SLC2A7: variants seen among roughly 807,000 people sequenced by gnomAD.
The protein encoded by SLC2A7 is solute carrier family 2 member 7, also known as solute carrier family 2, facilitated glucose transporter member 7.
A neutral mutation model predicts 50.5 loss-of-function variants in SLC2A7; 50 were observed. The ratio of observed to expected loss-of-function variants is 0.99; its 90% CI spans 0.79 to 1.25. The LOEUF (loss-of-function observed/expected upper bound fraction) is 1.25. Ranked by LOEUF, SLC2A7 falls within the 50% of genes most tolerant of loss-of-function variation. SLC2A7 has a pLI of 0.00. For synonymous variants in SLC2A7, 308 were observed against 300.4 expected, an observed-to-expected ratio of 1.03 and a Z score of -0.26; for missense variants, 683 against 679.1, an observed-to-expected ratio of 1.01 and a Z score of -0.06.
downstream of SLC2A7, among the ~76,000 whole-genome samples, chr1:8,999,143 G>A (rs1416801220): frequency 6.6e-6 from 1 of 152,000 alleles, no homozygotes; most frequent in Non-Finnish European, 1.5e-5. Flanking sequence ...GACTATTCAG[G>A]TTATCTATTT....
At chr1:9,004,342 A>AT (rs1444476218) in intron 11 of SLC2A7, among the ~76,000 whole-genome samples, 1 of 151,926 alleles carries the variant, frequency 6.6e-6, no homozygotes, top group African/African-American at 2.4e-5. Context: ...AAAAAAAAAA[A>AT]AAAAAGACTG....
chr1:9,005,267 G>A (rs955218755), intron 10 of SLC2A7, among the ~76,000 whole-genome samples: 1 of 152,210 alleles, frequency 6.6e-6, no homozygotes, highest in African/African-American at 2.4e-5. Context: ...TCTGACTTGA[G>A]ACCGCCCGCG....
chr1:9,007,800 A>G (rs979445748), intron 9 of SLC2A7, among the ~76,000 whole-genome samples: 14 of 149,548 alleles, frequency 9.4e-5, no homozygotes, highest in South Asian at 6.3e-4. Context: ...GTGCAGTGGC[A>G]CAGTCTTGGC....
At chr1:9,019,088 G>A in intron 4 of SLC2A7, 121 bp downstream of exon 4, 1 of 1,334,076 alleles carries the variant, frequency 7.5e-7, no homozygotes, top group African/African-American at 1.5e-5. Context: ...GGATGCAGAT[G>A]GGAGGACGTC....
rs1557653846 is a variant in SLC2A7, at chr1:9,023,835, C to CTTTTTTTTTT, written c.151-758_151-757insAAAAAAAAAA. ...CAGAGGCACCATAGGAAATATTCTT[C>CTTTTTTTTTT]TTCTTTTTTTTTTTTTTTTTTTTTT... On this transcript the variant is annotated intron_variant, in intron 2 of 11. Coordinates refer to ENST00000400906, the MANE Select transcript of SLC2A7 (RefSeq NM_207420.3). Among the ~76,000 whole-genome samples the CTTTTTTTTTT allele has an allele frequency of 1.1e-3, 73 of 65,990 alleles. 12 individuals are homozygous for CTTTTTTTTTT. Among genetic ancestry groups the CTTTTTTTTTT allele is most frequent in the East Asian group, 3.3e-3 (5 of 1,504 alleles). The allele number at this position is 65,990 out of a possible 152,430, so 43.3% of individuals were successfully genotyped here. A position where few individuals can be genotyped will look rare whatever the true frequency, so the allele number is the denominator to read the frequency against.
chr1:9,013,668 C>T (rs376924319), intron 7 of SLC2A7, 33 bp from the exon 8 acceptor site: 35 of 1,588,338 alleles, frequency 2.2e-5, no homozygotes, highest in African/African-American at 1.2e-4. Flanking sequence ...CAGGACAGGC[C>T]GGAAGACCCA....
intron 2 of SLC2A7, among the ~76,000 whole-genome samples, chr1:9,024,644 C>T (rs907082369): frequency 6.6e-6 from 1 of 152,190 alleles, no homozygotes; most frequent in African/African-American, 2.4e-5. Flanking sequence ...CAATCTTTGA[C>T]CCCATTCTCT....
the SLC2A7 span, among the ~76,000 whole-genome samples, chr1:8,995,231 G>A: frequency 1.0e-4 from 15 of 148,944 alleles, no homozygotes; most frequent in South Asian, 4.3e-4. Flanking sequence ...GGTGGATCAC[G>A]AGATCAGGAG....
chr1:9,023,580 C>A (rs1640946694), intron 2 of SLC2A7, among the ~76,000 whole-genome samples: 1 of 151,228 alleles, frequency 6.6e-6, no homozygotes, highest in Non-Finnish European at 1.5e-5. Context: ...GCACTCCAGC[C>A]TGGGCAACAG....
Position 9,016,183 on chromosome 1 carries a change from A to G in SLC2A7, c.590-941T>C, listed in dbSNP as rs558383455. Among the ~76,000 whole-genome samples the G allele has an allele frequency of 1.8e-4, 27 of 152,308 alleles. 1 individual carries two copies. In the East Asian group the frequency reaches 4.1e-3, roughly 23 times the overall value. ...GGGAGTTTAGGAATCATTACTGTTAACGATCTTTCATGGAGCACCCTCCAG... is the reference window on the plus strand; with the variant it reads ...GGGAGTTTAGGAATCATTACTGTTAGCGATCTTTCATGGAGCACCCTCCAG... On this transcript the variant is annotated intron_variant, in intron 5 of 11. Transcript: ENST00000400906.
Position 9,003,421 on chromosome 1 carries a change from G to A in SLC2A7, c.1418C>T (p.Thr473Ile). ...YVVIPETKGK[T>I]FVEINRIFAK... Reference sequence around the variant, plus strand: ...AAAAATGCGGTTTATCTCCACAAATGTTTTGCCCTTGGTCTCCGGAATAAC... The same window carrying A: ...AAAAATGCGGTTTATCTCCACAAATATTTTGCCCTTGGTCTCCGGAATAAC... The change falls in exon 12 of 12, where the codon ACA becomes ATA. Residue 473 changes from threonine (T) to isoleucine (I), a missense_variant. Physicochemically the swap from Thr to Ile is moderately conservative, Grantham distance 89 (BLOSUM62 -1). Transcript: ENST00000400906. The A allele has an allele frequency of 6.2e-7, 1 of 1,614,202 alleles. No individual in the cohort carries two copies. The highest frequency in any genetic ancestry group is 1.1e-5 in the South Asian group (1 of 91,084).
intron 7 of SLC2A7, among the ~76,000 whole-genome samples, 200 bp from the exon 8 acceptor site, chr1:9,013,835 G>C (rs1011259411): frequency 3.9e-5 from 6 of 152,184 alleles, no homozygotes; most frequent in African/African-American, 1.2e-4. Flanking sequence ...CTGGAATCCA[G>C]GGTCGCAGCT....
chr1:9,021,274 T>C (rs762008258), intron 3 of SLC2A7, among the ~76,000 whole-genome samples: 28 of 152,192 alleles, frequency 1.8e-4, no homozygotes, highest in Non-Finnish European at 4.4e-5. Flanking sequence ...CCTCCCAAAG[T>C]GCTGGGATTA....
At chr1:9,011,034 A>T (rs185682107) in intron 8 of SLC2A7, among the ~76,000 whole-genome samples, 3 of 152,302 alleles carry the variant, frequency 2.0e-5, no homozygotes, top group Admixed American at 2.0e-4. Context: ...CACCTGCCCT[A>T]ACACCCTGGG....
chr1:9,014,053 T>C (rs191308977), intron 7 of SLC2A7, among the ~76,000 whole-genome samples: 1 of 152,338 alleles, frequency 6.6e-6, no homozygotes, highest in Non-Finnish European at 1.5e-5. Flanking sequence ...AACAGCCCTT[T>C]GAAAGGCCAC....
chr1:9,020,020 C>A (rs549550352), intron 3 of SLC2A7, among the ~76,000 whole-genome samples: 24 of 152,324 alleles, frequency 1.6e-4, no homozygotes, highest in African/African-American at 5.3e-4. Context: ...TCTGCTGGTA[C>A]CTTGATCTTG....
intron 6 of SLC2A7, 88 bp from the exon 7 acceptor site, chr1:9,014,956 C>T (rs1040835291): frequency 6.6e-7 from 1 of 1,504,134 alleles, no homozygotes. Context: ...CTCACCATTC[C>T]CTGACCTGAC....
Position 9,014,662 on chromosome 1 carries a change from T to C in SLC2A7, c.903+19A>G, listed in dbSNP as rs770481613. 2 of 1,551,088 alleles carry C rather than the reference T, an allele frequency of 1.3e-6. No homozygotes were observed. The highest frequency in any genetic ancestry group is 1.2e-5 in the South Asian group (1 of 84,064). ...GGTCTGCTTCATCTGTCTCCCTGCC[T>C]GGCCACCGTCCCACATACCGCATTG... On this transcript the variant is annotated intron_variant, in intron 7 of 11. Coordinates refer to ENST00000400906, the MANE Select transcript of SLC2A7 (RefSeq NM_207420.3).
At chr1:8,998,913 C>G (rs1283010183), downstream of SLC2A7, among the ~76,000 whole-genome samples, 4 of 152,102 alleles carry the variant, frequency 2.6e-5, no homozygotes, top group African/African-American at 4.8e-5. Flanking sequence ...CTTGTCATGT[C>G]TTCAGTGCTG....
Sources: allele counts gnomAD v4.1 joint callset (sites outside exome capture counted in the v4.1 genomes callset), GRCh38; gene constraint gnomAD v4.1.1; transcripts MANE v1.5; gene names NCBI Gene and HGNC (gene_info 2026-07-23, HGNC 2026-07-21).